CTNNBIP1: variants seen among roughly 807,000 people sequenced by gnomAD.
CTNNBIP1 encodes beta-catenin-interacting protein 1.
In CTNNBIP1, 7 loss-of-function variants were observed where a neutral mutation model predicts 11.8. The observed-to-expected ratio is 0.60, with a 90% CI of 0.34 to 1.12. The LOEUF is 1.12. CTNNBIP1 is among the 50% of genes most tolerant of loss of function. CTNNBIP1 has a pLI of 0.03. For missense variants in CTNNBIP1, 101 were observed against 113.4 expected (o/e 0.89, Z 0.50); for synonymous variants, 58 against 43.9 (o/e 1.32, Z -1.26).
intron 5 of CTNNBIP1, among the ~76,000 whole-genome samples, chr1:9,861,947 G>A (rs571667870): frequency 1.3e-5 from 2 of 152,268 alleles, no homozygotes; most frequent in South Asian, 4.1e-4. Context: ...CATCATAAAC[G>A]ACATCCCACA....
chr1:9,906,998 G>T (rs1188751680), intron 1 of CTNNBIP1, among the ~76,000 whole-genome samples: 1 of 152,164 alleles, frequency 6.6e-6, no homozygotes, highest in African/African-American at 2.4e-5. Flanking sequence ...ATAAGAAAAT[G>T]CATAAACTGC....
chr1:9,897,414 AC>A (rs987506048), intron 1 of CTNNBIP1, among the ~76,000 whole-genome samples: 1 of 152,090 alleles, frequency 6.6e-6, no homozygotes, highest in African/African-American at 2.4e-5. Flanking sequence ...AGATCGCTCC[AC>A]TGCACTCTAG....
intron 5 of CTNNBIP1, among the ~76,000 whole-genome samples, chr1:9,864,899 C>A (rs946275): frequency 0.31 from 46,886 of 152,132 alleles, 9,996 homozygotes; most frequent in African/African-American, 0.61. Flanking sequence ...CCCAAGTCAT[C>A]CCTGTTCCTC....
chr1:9,879,565 C>T (rs1444291069), intron 2 of CTNNBIP1, among the ~76,000 whole-genome samples: 1 of 152,160 alleles, frequency 6.6e-6, no homozygotes, highest in Admixed American at 6.5e-5. Flanking sequence ...CCGCCTCCAC[C>T]GTCAGACTAA....
Position 9,867,069 on chromosome 1 carries a change from A to G in CTNNBIP1, c.187+4118T>C, listed in dbSNP as rs1232567444. ...GATGCTGGCCAACAGTCAGCTGGCTATGTTCTCTGTTGAGATCACAGCACT... is the reference window on the plus strand; with the variant it reads ...GATGCTGGCCAACAGTCAGCTGGCTGTGTTCTCTGTTGAGATCACAGCACT... On this transcript the variant is annotated intron_variant, in intron 5 of 5. Coordinates refer to ENST00000377263, the MANE Select transcript of CTNNBIP1 (RefSeq NM_020248.3). The surrounding 1 kb of genome is among the most constrained non-coding windows in gnomAD (Gnocchi z 4.6). 2.6e-5 allele frequency among the ~76,000 whole-genome samples: 4 copies of G among 152,142 alleles called. No homozygotes were observed. Among genetic ancestry groups the G allele is most frequent in the Non-Finnish European group, 4.4e-5 (3 of 68,010 alleles).
Position 9,850,670 on chromosome 1 carries a change from G to T in CTNNBIP1, c.*48C>A. On this transcript the variant is annotated 3_prime_UTR_variant, in exon 6 of 6. Transcript: ENST00000377263. ...ACTCAGCCGGCCCAGGAGCCACACA[G>T]ATCTCTTGGCCCTCAACAGCATCCA... is the stretch of plus-strand genomic sequence containing the variant. The T allele has an allele frequency of 3.2e-6, 5 of 1,577,600 alleles. No homozygotes were observed. The highest frequency in any genetic ancestry group is 4.4e-6 in the Non-Finnish European group (5 of 1,146,970).
At chr1:9,874,170 G>A (rs1638918870) in intron 3 of CTNNBIP1, among the ~76,000 whole-genome samples, 1 of 152,128 alleles carries the variant, frequency 6.6e-6, no homozygotes, top group Admixed American at 6.6e-5. Flanking sequence ...AGAACATGCG[G>A]AGAAGCTCTT....
intron 3 of CTNNBIP1, among the ~76,000 whole-genome samples, chr1:9,874,932 G>A (rs934309308): frequency 1.3e-5 from 2 of 152,216 alleles, no homozygotes; most frequent in Admixed American, 1.3e-4. Context: ...CCTTTGAGCT[G>A]GGAGTTAGGG....
chr1:9,877,855 C>T (rs1275883352), intron 3 of CTNNBIP1, 50 bp downstream of exon 3: 1 of 152,700 alleles, frequency 6.5e-6, no homozygotes. Context: ...ACCCCCCACC[C>T]CACACTACTG....
At chr1:9,896,700 G>A (rs910564449) in intron 1 of CTNNBIP1, among the ~76,000 whole-genome samples, 3 of 152,114 alleles carry the variant, frequency 2.0e-5, no homozygotes, top group Non-Finnish European at 2.9e-5. Flanking sequence ...CGGGTGCGGC[G>A]GCTCACGCCT....
chr1:9,860,763 A>C (rs1335884328), intron 5 of CTNNBIP1, among the ~76,000 whole-genome samples: 2 of 152,096 alleles, frequency 1.3e-5, no homozygotes, highest in Admixed American at 1.3e-4. Flanking sequence ...TGCTGGCCAG[A>C]ACTTCCCAGG....
At chr1:9,902,018 G>T (rs1639531756) in intron 1 of CTNNBIP1, among the ~76,000 whole-genome samples, 2 of 152,204 alleles carry the variant, frequency 1.3e-5, no homozygotes, top group African/African-American at 4.8e-5. Flanking sequence ...GCTTTCACAT[G>T]AACTGCTTGC....
At chr1:9,852,535 C>T (rs370073612) in intron 5 of CTNNBIP1, among the ~76,000 whole-genome samples, 3 of 152,310 alleles carry the variant, frequency 2.0e-5, no homozygotes, top group African/African-American at 4.8e-5. Flanking sequence ...ATTCTGTTTT[C>T]GCCTGAGCCC....
intron 2 of CTNNBIP1, among the ~76,000 whole-genome samples, chr1:9,879,458 A>G (rs1367191518): frequency 6.6e-6 from 1 of 152,050 alleles, no homozygotes; most frequent in African/African-American, 2.4e-5. Context: ...GCCTCCCCTA[A>G]AGTCAGACAT....
intron 1 of CTNNBIP1, among the ~76,000 whole-genome samples, chr1:9,897,840 G>A (rs947850807): frequency 6.6e-6 from 1 of 152,050 alleles, no homozygotes; most frequent in Admixed American, 6.6e-5. Flanking sequence ...AAAAAATTTG[G>A]CCGGATGCGG....
At chr1:9,906,001 G>C (rs79678285) in intron 1 of CTNNBIP1, among the ~76,000 whole-genome samples, 9 of 152,278 alleles carry the variant, frequency 5.9e-5, no homozygotes, top group Non-Finnish European at 1.2e-4. Flanking sequence ...GCTGGTGGGA[G>C]CTAAGAAGCA....
intron 1 of CTNNBIP1, among the ~76,000 whole-genome samples, chr1:9,886,066 G>A (rs978660137): frequency 3.3e-5 from 5 of 152,130 alleles, no homozygotes; most frequent in African/African-American, 1.2e-4. Flanking sequence ...TTTTGTTACA[G>A]TATGGGGGAT....
In CTNNBIP1 at chr1:9,850,632, G is replaced by A. The variant is rs1246813938; in HGVS notation, c.*86C>T. The A allele has an allele frequency of 1.2e-5, 15 of 1,264,500 alleles. No individual in the cohort carries two copies. Among genetic ancestry groups the A allele is most frequent in the Non-Finnish European group, 1.6e-5 (14 of 862,992 alleles). 78.3% of individuals were successfully genotyped at this position (1,264,500 alleles called of 1,614,324 possible). On this transcript the variant is annotated 3_prime_UTR_variant, in exon 6 of 6. Coordinates refer to ENST00000377263, the MANE Select transcript of CTNNBIP1 (RefSeq NM_020248.3). The stretch of plus-strand genomic sequence containing the variant: ...TAGGGGAAGGGGGAGGTGGGGCAAG[G>A]GGGGCTGCTGCCACTCAGCCGGCCC...
At chr1:9,908,734 C>A (rs1263085644) in intron 1 of CTNNBIP1, among the ~76,000 whole-genome samples, 1 of 152,216 alleles carries the variant, frequency 6.6e-6, no homozygotes, top group African/African-American at 2.4e-5. Flanking sequence ...ATTTTGTCCA[C>A]TTGTTTGTTT....
Sources: allele counts gnomAD v4.1 joint callset (sites outside exome capture counted in the v4.1 genomes callset), GRCh38; gene constraint gnomAD v4.1.1; non-coding constraint Gnocchi (gnomAD v3.1); transcripts MANE v1.5; gene names NCBI Gene and HGNC (gene_info 2026-07-23, HGNC 2026-07-21).